KCTD1: variants seen among roughly 807,000 people sequenced by gnomAD.
The protein encoded by KCTD1 is potassium channel tetramerization domain containing 1.
In KCTD1, 24 loss-of-function variants were observed where a neutral mutation model predicts 66.0. The ratio of observed to expected loss-of-function variants is 0.36; its 90% CI spans 0.26 to 0.51. The LOEUF is 0.51. KCTD1 is among the 20% of genes least tolerant of loss of function. The probability of loss-of-function intolerance (pLI) is 0.95; values close to 1 mark genes in which losing one functional copy is unlikely to be tolerated. For synonymous variants in KCTD1, 511 were observed against 517.2 expected, an observed-to-expected ratio of 0.99 and a Z score of 0.16; for missense variants, 943 against 1,205.2, an observed-to-expected ratio of 0.78 and a Z score of 3.22.
intron 1 of KCTD1, among the ~76,000 whole-genome samples, chr18:26,570,705 C>T (rs574867501): frequency 1.3e-5 from 2 of 152,302 alleles, no homozygotes; most frequent in African/African-American, 4.8e-5. Flanking sequence ...GCCACCACAC[C>T]GGGCCTCTAT....
intron 1 of KCTD1, among the ~76,000 whole-genome samples, chr18:26,622,512 T>C (rs1054464253): frequency 6.6e-6 from 1 of 152,190 alleles, no homozygotes; most frequent in African/African-American, 2.4e-5. Context: ...TTGCCAGCCA[T>C]TGTCTCTGTT....
chr18:26,520,943 CCTTCTCATG>C (rs1315729362), intron 1 of KCTD1, among the ~76,000 whole-genome samples: 1 of 152,208 alleles, frequency 6.6e-6, no homozygotes, highest in Non-Finnish European at 1.5e-5. Flanking sequence ...AGTCGCTAAG[CCTTCTCATG>C]CTGTAAAAAG....
At chr18:26,539,813 T>A (rs1984889755) in intron 1 of KCTD1, among the ~76,000 whole-genome samples, 1 of 152,194 alleles carries the variant, frequency 6.6e-6, no homozygotes. Flanking sequence ...TAATCCACAA[T>A]CACAAGAAAC....
intron 1 of KCTD1, among the ~76,000 whole-genome samples, chr18:26,503,194 T>G (rs1266881387): frequency 1.3e-5 from 2 of 152,218 alleles, no homozygotes; most frequent in African/African-American, 4.8e-5. Flanking sequence ...TTTACTACAT[T>G]ATTCTTTATA....
intron 2 of KCTD1, among the ~76,000 whole-genome samples, chr18:26,478,797 A>G (rs1981479353): frequency 6.6e-6 from 1 of 152,190 alleles, no homozygotes; most frequent in Non-Finnish European, 1.5e-5. Context: ...TTTATAAAAT[A>G]ACTTTAACTT....
intron 1 of KCTD1, among the ~76,000 whole-genome samples, chr18:26,650,841 T>A (rs1423827221): frequency 6.6e-6 from 1 of 152,280 alleles, no homozygotes. Flanking sequence ...TGGAAAGATT[T>A]ATCAGGAAGA....
At chr18:26,632,870 C>A (rs1987650551), upstream of KCTD1, among the ~76,000 whole-genome samples, 1 of 151,972 alleles carries the variant, frequency 6.6e-6, no homozygotes, top group African/African-American at 2.4e-5. Flanking sequence ...ATAAAATTAT[C>A]AATTATTCCA....
At chr18:26,498,869 A>C (rs1982613156) in intron 2 of KCTD1, among the ~76,000 whole-genome samples, 1 of 152,168 alleles carries the variant, frequency 6.6e-6, no homozygotes, top group Non-Finnish European at 1.5e-5. Flanking sequence ...ACCTCATAAT[A>C]TATAGCGCCA....
intron 1 of KCTD1, among the ~76,000 whole-genome samples, chr18:26,570,190 AAAT>A (rs1292318327): frequency 1.2e-4 from 16 of 134,488 alleles, no homozygotes; most frequent in African/African-American, 3.6e-4. Context: ...CATCTAAAAA[AAAT>A]ATATATATAT....
rs56266790 is a variant in KCTD1, at chr18:26,492,605, CAATAAATAAATAAATA to C, written c.1988+8451_1988+8466del. 6.5e-3 allele frequency among the ~76,000 whole-genome samples: 905 copies of C among 138,600 alleles called. 3 individuals are homozygous for C. Among genetic ancestry groups the C allele is most frequent in the East Asian group, 0.024 (115 of 4,694 alleles). The allele number at this position is 138,600 out of a possible 152,430, so 90.9% of individuals were successfully genotyped here. A position where few individuals can be genotyped will look rare whatever the true frequency, so the allele number is the denominator to read the frequency against. On this transcript the variant is annotated intron_variant, in intron 2 of 4. Coordinates refer to ENST00000580059, the MANE Select transcript of KCTD1 (RefSeq NM_001142730.3). ...TGAGTGACAGAACAAGACACTGTCT[CAATAAATAAATAAATA>C]AATAAATAAATAAATAAATAAATAA...
chr18:26,513,212 C>G (rs548512845), intron 1 of KCTD1, among the ~76,000 whole-genome samples: 1 of 151,330 alleles, frequency 6.6e-6, no homozygotes, highest in Non-Finnish European at 1.5e-5. Context: ...CTCAGCCTCC[C>G]GAGTAGCTGG....
chr18:26,545,420 G>C (rs1489761363), intron 1 of KCTD1: 1 of 152,172 alleles, frequency 6.6e-6, no homozygotes, highest in East Asian at 1.9e-4. Flanking sequence ...GTATTTTAGA[G>C]AACTTTGGTG....
chr18:26,617,108 C>A (rs940624978), intron 1 of KCTD1, among the ~76,000 whole-genome samples: 1 of 152,194 alleles, frequency 6.6e-6, no homozygotes, highest in African/African-American at 2.4e-5. Flanking sequence ...GTGGGAATTG[C>A]TGGGTATGTC....
chr18:26,475,222 A>C (rs1981278135), intron 3 of KCTD1, among the ~76,000 whole-genome samples: 1 of 152,174 alleles, frequency 6.6e-6, no homozygotes, highest in South Asian at 2.1e-4. Flanking sequence ...GACCAGAAAT[A>C]CTTTTTTTTA....
At chr18:26,459,492 C>T in intron 4 of KCTD1, 128 bp downstream of exon 4, 1 of 849,474 alleles carries the variant, frequency 1.2e-6, no homozygotes, top group Non-Finnish European at 1.8e-6. Context: ...GATAATTCAC[C>T]TACCCAACAG....
intron 1 of KCTD1, among the ~76,000 whole-genome samples, chr18:26,502,111 A>G (rs1241564165): frequency 6.6e-6 from 1 of 152,146 alleles, no homozygotes; most frequent in African/African-American, 2.4e-5. Flanking sequence ...GTGCAGTGGC[A>G]CGATCTCGGC....
chr18:26,599,708 G>A, intron 1 of KCTD1: 1 of 1,524,822 alleles, frequency 6.6e-7, no homozygotes, highest in Non-Finnish European at 9.1e-7. Context: ...AGTAGAGACA[G>A]CTGTAGATAA....
chr18:26,505,179 C>A (rs571947622), intron 1 of KCTD1, among the ~76,000 whole-genome samples: 1 of 152,386 alleles, frequency 6.6e-6, no homozygotes, highest in South Asian at 2.1e-4. Context: ...GGGGCCTTGG[C>A]CAGGGATGCC....
At chr18:26,613,257 T>A (rs1259228623) in intron 1 of KCTD1, among the ~76,000 whole-genome samples, 1 of 147,666 alleles carries the variant, frequency 6.8e-6, no homozygotes, top group Non-Finnish European at 1.5e-5. Context: ...AGCCTGAAAC[T>A]AAAATATTTT....
Sources: allele counts gnomAD v4.1 joint callset (sites outside exome capture counted in the v4.1 genomes callset), GRCh38; gene constraint gnomAD v4.1.1; transcripts MANE v1.5; gene names NCBI Gene and HGNC (gene_info 2026-07-23, HGNC 2026-07-21).